The following FGF13 variants were observed in gnomAD, a reference collection of about 807,000 sequenced individuals.
The protein encoded by FGF13 is fibroblast growth factor homologous factor 2.
Under a neutral mutation model 19.5 loss-of-function variants are expected in FGF13, and 2 were observed. That is an observed-to-expected ratio of 0.10 (90% confidence interval 0.04 to 0.32). The LOEUF (loss-of-function observed/expected upper bound fraction) is 0.32. Among genes scored for constraint, FGF13 ranks in the 10% least tolerant of loss-of-function variants. The pLI is 1.00. For synonymous variants in FGF13, 72 were observed against 76.9 expected (o/e 0.94, Z 0.33); for missense variants, 113 against 192.7 (o/e 0.59, Z 2.45).
intron 1 of FGF13, among the ~76,000 whole-genome samples, chrX:138,738,230 A>G (rs2090294305): frequency 8.9e-6 from 1 of 111,954 alleles, no homozygotes; most frequent in African/African-American, 3.2e-5. Context: ...AAGGATTTTG[A>G]GGAAACAGAA....
intron 1 of FGF13, among the ~76,000 whole-genome samples, chrX:139,071,131 T>C (rs1257713270): frequency 1.8e-5 from 2 of 111,360 alleles, no homozygotes; most frequent in Admixed American, 9.5e-5. Flanking sequence ...AGTATAATAA[T>C]AATAAAAAAG....
At chrX:138,834,989 A>C (rs1261767355) in intron 3 of FGF13, among the ~76,000 whole-genome samples, 1 of 111,771 alleles carries the variant, frequency 8.9e-6, no homozygotes, top group South Asian at 3.7e-4. Context: ...CTTAGTCTTG[A>C]TTTCAAATTT....
intron 3 of FGF13, among the ~76,000 whole-genome samples, chrX:138,678,801 C>T (rs1422837436): frequency 8.9e-6 from 1 of 112,009 alleles, no homozygotes; most frequent in Non-Finnish European, 1.9e-5. Context: ...AAAGCACTCA[C>T]AAGAGATGTT....
chrX:138,844,251 A>C (rs1044624925), intron 3 of FGF13, among the ~76,000 whole-genome samples: 49 of 112,211 alleles, frequency 4.4e-4, no homozygotes, highest in African/African-American at 1.5e-3. Flanking sequence ...GTGATCCAAT[A>C]TTTTTAGATT....
intron 1 of FGF13, among the ~76,000 whole-genome samples, chrX:138,896,615 T>C (rs1205474771): frequency 8.9e-6 from 1 of 112,140 alleles, no homozygotes; most frequent in Non-Finnish European, 1.9e-5. Flanking sequence ...TATGTACAAA[T>C]AAACAGGCTT....
exon 1 of FGF13, chrX:138,739,285 G>C: frequency 3.3e-6 from 4 of 1,196,281 alleles, no homozygotes; most frequent in Non-Finnish European, 4.5e-6. Flanking sequence ...TTTATAAGCT[G>C]GTCCTACCCA....
Position 139,101,731 on chromosome X carries a change from T to C in FGF13, c.-113+101685A>G, listed in dbSNP as rs780383978. Among the ~76,000 whole-genome samples the C allele has an allele frequency of 4.4e-5, 5 of 112,547 alleles. No homozygotes were observed. The South Asian group carries it at 1.8e-3, about 42-fold the overall frequency. ...GACTTCATCGAATTGTATAATGTCC[T>C]TGCCTTTCCCTTTGATAAATATAAA... is the stretch of plus-strand genomic sequence containing the variant. On this transcript the variant is annotated intron_variant, in intron 1 of 2. Transcript: ENST00000421460.
intron 1 of FGF13, among the ~76,000 whole-genome samples, chrX:139,021,789 A>C: frequency 8.9e-6 from 1 of 112,013 alleles, no homozygotes; most frequent in South Asian, 3.7e-4. Context: ...TGTGTTCAGA[A>C]ACTGAAAATA....
intron 1 of FGF13, among the ~76,000 whole-genome samples, chrX:138,992,046 A>G (rs186311160): frequency 1.9e-4 from 21 of 111,582 alleles, no homozygotes; most frequent in Non-Finnish European, 3.2e-4. Flanking sequence ...CTCTAATTAT[A>G]AGTGAGCTTA....
chrX:138,921,304 C>A (rs1360243809), intron 1 of FGF13, among the ~76,000 whole-genome samples: 1 of 111,975 alleles, frequency 8.9e-6, no homozygotes, highest in Non-Finnish European at 1.9e-5. Flanking sequence ...TACCACCATG[C>A]AGAAGTTGTG....
intron 1 of FGF13, among the ~76,000 whole-genome samples, chrX:139,152,717 G>GC (rs1050087118): frequency 6.3e-5 from 7 of 110,883 alleles, no homozygotes; most frequent in Admixed American, 1.9e-4. Flanking sequence ...TCTTCTTGAT[G>GC]CCCCCCAGAC....
intron 3 of FGF13, among the ~76,000 whole-genome samples, chrX:138,848,641 T>G (rs1443874546): frequency 8.9e-6 from 1 of 111,882 alleles, no homozygotes; most frequent in Non-Finnish European, 1.9e-5. Flanking sequence ...TTTGAAATGC[T>G]TGGGACCAGA....
intron 1 of FGF13, among the ~76,000 whole-genome samples, chrX:139,021,712 A>T (rs2092178886): frequency 9.0e-6 from 1 of 111,314 alleles, no homozygotes; most frequent in Non-Finnish European, 1.9e-5. Flanking sequence ...CCAAAATCCC[A>T]AGATCCAATA....
rs985170177 is a variant in FGF13, at chrX:138,615,625, G to A, written c.*17225C>T. The stretch of plus-strand genomic sequence containing the variant: ...TTCTGGTACCATAGATAAAGAATAA[G>A]GATAATGCAATGGGAACAGTTGAAA... On this transcript the variant is annotated 3_prime_UTR_variant, in exon 5 of 5. Transcript: ENST00000315930. The A allele has an allele frequency of 4.6e-4, 51 of 111,415 alleles. No individual in the cohort carries two copies. The highest frequency in any genetic ancestry group is 1.6e-3 in the African/African-American group (49 of 30,637). 9.2% of individuals were successfully genotyped at this position (111,415 alleles called of 1,213,427 possible).
intron 3 of FGF13, among the ~76,000 whole-genome samples, chrX:138,753,464 A>T (rs968594667): frequency 1.1e-4 from 12 of 112,396 alleles, no homozygotes; most frequent in Admixed American, 2.8e-4. Context: ...ATCAGGATAG[A>T]TCTGATTAAT....
At chrX:138,803,748 C>A (rs1466919204) in intron 3 of FGF13, among the ~76,000 whole-genome samples, 2 of 112,273 alleles carry the variant, frequency 1.8e-5, no homozygotes, top group African/African-American at 6.5e-5. Context: ...TACAGCTATC[C>A]ATTTCTATGT....
At chrX:138,851,250 C>G (rs914434800) in intron 3 of FGF13, among the ~76,000 whole-genome samples, 1 of 111,722 alleles carries the variant, frequency 9.0e-6, no homozygotes, top group Non-Finnish European at 1.9e-5. Context: ...TTTAAGTATA[C>G]ACCCAGTAAT....
intron 1 of FGF13, among the ~76,000 whole-genome samples, chrX:139,157,780 G>T (rs2083989905): frequency 8.9e-6 from 1 of 112,961 alleles, no homozygotes; most frequent in African/African-American, 3.2e-5. Flanking sequence ...CTGGATGATG[G>T]GTAGGGGCTG....
intron 2 of FGF13, among the ~76,000 whole-genome samples, chrX:138,707,798 G>A (rs1386586686): frequency 1.8e-5 from 2 of 111,668 alleles, no homozygotes; most frequent in Non-Finnish European, 3.8e-5. Flanking sequence ...ATCAGCCCAC[G>A]AAGCATTCCT....
Sources: gnomAD v4.1 joint callset for allele counts (sites outside exome capture counted in the v4.1 genomes callset) on GRCh38, gnomAD v4.1.1 for gene constraint, MANE v1.5 for transcripts, NCBI Gene and HGNC (gene_info 2026-07-23, HGNC 2026-07-21) for gene names.